EHBP1: variants seen among roughly 807,000 people sequenced by gnomAD.
EHBP1 encodes the protein EH domain binding protein 1, also known as EH domain-binding protein 1.
In EHBP1, 55 loss-of-function variants were observed where a neutral mutation model predicts 144.0. The ratio of observed to expected loss-of-function variants is 0.38; its 90% CI spans 0.31 to 0.48. EHBP1 has a LOEUF of 0.48. Among genes scored for constraint, EHBP1 ranks in the 20% least tolerant of loss-of-function variants. EHBP1 has a pLI of 0.98. For missense variants in EHBP1, 1,200 were observed against 1,364.2 expected, an observed-to-expected ratio of 0.88 and a Z score of 1.90; for synonymous variants, 469 against 472.7, an observed-to-expected ratio of 0.99 and a Z score of 0.10.
intron 10 of EHBP1, among the ~76,000 whole-genome samples, chr2:62,899,405 G>A (rs965701507): frequency 1.9e-4 from 29 of 152,200 alleles, no homozygotes; most frequent in African/African-American, 6.5e-4. Context: ...GTAATGTTTA[G>A]TATCTCCTGT....
chr2:62,774,451 A>G lies in EHBP1; in HGVS notation c.312+3059A>G, dbSNP rs185231065. On this transcript the variant is annotated intron_variant, in intron 5 of 22. Coordinates refer to ENST00000431489, the MANE Select transcript of EHBP1 (RefSeq NM_001142616.3). ...CATTTTCTTTAAACCAAAATTTGAT[A>G]TAAGTAGACGTTGCATTTTTCAAGT... 1.2e-3 allele frequency among the ~76,000 whole-genome samples: 183 copies of G among 152,292 alleles called. 1 individual carries two copies. The highest frequency in any genetic ancestry group is 4.1e-3 in the African/African-American group (170 of 41,574).
chr2:62,848,374 T>G (rs2048446262), intron 7 of EHBP1, among the ~76,000 whole-genome samples: 1 of 152,122 alleles, frequency 6.6e-6, no homozygotes, highest in Non-Finnish European at 1.5e-5. Context: ...TGAGCCACCA[T>G]GCCCGGCACT....
intron 10 of EHBP1, among the ~76,000 whole-genome samples, chr2:62,894,085 G>A (rs919043309): frequency 6.6e-6 from 1 of 151,890 alleles, no homozygotes; most frequent in African/African-American, 2.4e-5. Context: ...AGACATCTGG[G>A]ACATGCCTGA....
chr2:62,789,907 T>A (rs144460707), intron 5 of EHBP1, among the ~76,000 whole-genome samples: 2 of 152,354 alleles, frequency 1.3e-5, no homozygotes, highest in East Asian at 3.9e-4. Flanking sequence ...TGATGCCAGT[T>A]ACCTAAAACT....
At chr2:62,737,924 C>T (rs944128199) in intron 2 of EHBP1, among the ~76,000 whole-genome samples, 9 of 151,992 alleles carry the variant, frequency 5.9e-5, no homozygotes, top group Admixed American at 2.6e-4. Flanking sequence ...CCATCATGTC[C>T]GGCTAATTTT....
At chr2:62,878,613 C>G (rs557457007) in intron 10 of EHBP1, among the ~76,000 whole-genome samples, 17 of 152,170 alleles carry the variant, frequency 1.1e-4, no homozygotes, top group Admixed American at 9.8e-4. Flanking sequence ...AAATGCTAAC[C>G]CACCATGATC....
intron 12 of EHBP1, 49 bp downstream of exon 12, chr2:62,943,899 C>T (rs1459866966): frequency 7.1e-7 from 1 of 1,401,358 alleles, no homozygotes; most frequent in South Asian, 1.2e-5. Context: ...TTTGGCTTCT[C>T]TGCAGGTCTT....
chr2:62,681,032 G>A (rs2033494381), intron 1 of EHBP1, among the ~76,000 whole-genome samples: 1 of 151,828 alleles, frequency 6.6e-6, no homozygotes, highest in Non-Finnish European at 1.5e-5. Context: ...ACAAAAAATG[G>A]CCGGGCGTGA....
At chr2:62,755,582 C>T (rs1481739601) in intron 3 of EHBP1, among the ~76,000 whole-genome samples, 1 of 152,188 alleles carries the variant, frequency 6.6e-6, no homozygotes, top group Admixed American at 6.5e-5. Flanking sequence ...CACGCACTCT[C>T]ACCAGCAATA....
chr2:62,959,485 T>C (rs1473596481), intron 14 of EHBP1, among the ~76,000 whole-genome samples: 1 of 152,184 alleles, frequency 6.6e-6, no homozygotes, highest in Non-Finnish European at 1.5e-5. Context: ...CTATTTTATA[T>C]TACCACCAAC....
intron 15 of EHBP1, 23 bp downstream of exon 15, chr2:62,979,358 A>G: frequency 6.2e-7 from 1 of 1,609,808 alleles, no homozygotes. Flanking sequence ...ATCTTCTATC[A>G]TTCTACAGAC....
At chr2:62,729,526 A>G (rs2037261323) in intron 2 of EHBP1, among the ~76,000 whole-genome samples, 1 of 100,068 alleles carries the variant, frequency 1.0e-5, no homozygotes, top group African/African-American at 4.0e-5. Flanking sequence ...ATAAATAAAT[A>G]TAATATATAT....
rs377699947 is a variant in EHBP1, at chr2:62,953,583, A to T, written c.2317-1934A>T. On this transcript the variant is annotated intron_variant, in intron 13 of 22. Transcript: ENST00000431489. Reference sequence around the variant, plus strand: ...AAATAATAAAATAAAATAATAAAAAAATTATGTTTAAAAAACATTTAAGAC... The same window carrying T: ...AAATAATAAAATAAAATAATAAAAATATTATGTTTAAAAAACATTTAAGAC... Among the ~76,000 whole-genome samples the T allele has an allele frequency of 2.0e-4, 30 of 151,988 alleles. No individual in the cohort carries two copies. The East Asian group carries it at 3.3e-3, about 17-fold the overall frequency.
At chr2:63,000,819 GGT>G (rs759875721) in intron 19 of EHBP1, among the ~76,000 whole-genome samples, 6 of 150,674 alleles carry the variant, frequency 4.0e-5, no homozygotes, top group Non-Finnish European at 5.9e-5. Flanking sequence ...AGCTCTTAAT[GGT>G]GTGTGTGTGT....
chr2:62,773,961 G>T (rs1036848108), intron 5 of EHBP1, among the ~76,000 whole-genome samples: 1 of 149,094 alleles, frequency 6.7e-6, no homozygotes, highest in Non-Finnish European at 1.5e-5. Context: ...CCTAGAGGCA[G>T]TAAAACAGCA....
chr2:62,822,500 T>C (rs961695948), intron 5 of EHBP1, among the ~76,000 whole-genome samples: 21 of 152,222 alleles, frequency 1.4e-4, no homozygotes, highest in African/African-American at 5.1e-4. Context: ...ACACTGTTTA[T>C]TGAGTGCTGA....
At chr2:62,816,925 G>A (rs1290787771) in intron 5 of EHBP1, among the ~76,000 whole-genome samples, 1 of 152,086 alleles carries the variant, frequency 6.6e-6, no homozygotes, top group African/African-American at 2.4e-5. Context: ...GTTCTGGCTT[G>A]GAGAAACCTC....
intron 2 of EHBP1, among the ~76,000 whole-genome samples, chr2:62,718,050 CAA>C (rs918539902): frequency 4.6e-5 from 7 of 152,044 alleles, no homozygotes; most frequent in Non-Finnish European, 8.8e-5. Context: ...GACCTTAATC[CAA>C]AGAGGATTTT....
chr2:62,855,557 G>GC (rs1434135877), intron 7 of EHBP1, among the ~76,000 whole-genome samples: 8 of 152,156 alleles, frequency 5.3e-5, no homozygotes, highest in Non-Finnish European at 1.2e-4. Flanking sequence ...AGAGTGGGAG[G>GC]TTGTGGTGCT....
Sources: allele counts gnomAD v4.1 joint callset (sites outside exome capture counted in the v4.1 genomes callset), GRCh38; gene constraint gnomAD v4.1.1; transcripts MANE v1.5; gene names NCBI Gene and HGNC (gene_info 2026-07-23, HGNC 2026-07-21).